The following MAU2 variants were observed in gnomAD, a reference collection of about 807,000 sequenced individuals.
MAU2 encodes the protein MAU2 chromatid cohesion factor homolog.
In MAU2, 9 loss-of-function variants were observed where a neutral mutation model predicts 89.1. The ratio of observed to expected loss-of-function variants is 0.10; its 90% CI spans 0.06 to 0.18. The LOEUF (loss-of-function observed/expected upper bound fraction) is 0.18, where lower values mean the gene tolerates loss of function less well. MAU2 is among the 10% of genes least tolerant of loss of function. MAU2 has a pLI of 1.00. For missense variants in MAU2, 425 were observed against 803.5 expected (o/e 0.53, Z 5.69); for synonymous variants, 357 against 343.4 (o/e 1.04, Z -0.44).
Position 19,356,143 on chromosome 19 carries a change from G to T in MAU2, c.*361G>T. The stretch of plus-strand genomic sequence containing the variant: ...GTGTGCCAGGGCAGGCAGTGCCCCA[G>T]GGGCACCACGCCTGACTCTCCATCA... On this transcript the variant is annotated 3_prime_UTR_variant, in exon 19 of 19. Coordinates refer to ENST00000262815, the MANE Select transcript of MAU2 (RefSeq NM_015329.4). 2.2e-6 allele frequency: 1 copy of T among 456,504 alleles called. No individual in the cohort carries two copies. Among genetic ancestry groups the T allele is most frequent in the Non-Finnish European group, 4.4e-6 (1 of 229,080 alleles). The allele number at this position is 456,504 out of a possible 1,614,324, so 28.3% of individuals were successfully genotyped here.
intron 10 of MAU2, chr19:19,344,250 A>G (rs529329571): frequency 3.1e-5 from 10 of 325,052 alleles, no homozygotes; most frequent in Non-Finnish European, 5.9e-5. Context: ...CGCCTCTACT[A>G]AAAATATAAA....
chr19:19,345,209 C>T lies in MAU2; in HGVS notation c.1156-95C>T. The T allele has an allele frequency of 5.4e-6, 6 of 1,113,610 alleles. No homozygotes were observed. In the South Asian group the frequency reaches 7.6e-5, roughly 14 times the overall value. The allele number at this position is 1,113,610 out of a possible 1,614,324, so 69.0% of individuals were successfully genotyped here. A position where few individuals can be genotyped will look rare whatever the true frequency, so the allele number is the denominator to read the frequency against. ...CGGTAGAGCCATTGTCATACTCCTC[C>T]AGGGCAGCCGTGCAGGCCCCGGGCA... On this transcript the variant is annotated intron_variant, in intron 11 of 18. Transcript: ENST00000262815. The surrounding 1 kb of genome is among the most constrained non-coding windows in gnomAD (Gnocchi z 4.9).
At chr19:19,354,688 G>A (rs942286971) in intron 17 of MAU2, 1 of 542,594 alleles carries the variant, frequency 1.8e-6, no homozygotes. Flanking sequence ...CTGCGACTTG[G>A]TATCTGGTAG....
At chr19:19,355,161 C>A in intron 17 of MAU2, 103 bp from the exon 18 acceptor site, 1 of 1,439,488 alleles carries the variant, frequency 6.9e-7, no homozygotes, top group Non-Finnish European at 9.5e-7. Flanking sequence ...AGAGATCCAC[C>A]AGTGCAGCTG....
rs557412063 is a variant in MAU2, at chr19:19,355,385, C to T, written c.1761C>T (p.Leu587=). ...CCTGCAGCCTCCCCGAACACAACCT[C>T]ATCACGGTACGGGTGTGGGTGTTAG... is the stretch of plus-strand genomic sequence containing the variant. ...IEACSLPEHN[L]ITWTDGPPPV... is the part of the protein sequence containing the mutation. Residue 587 remains leucine, a synonymous_variant, in exon 18 of 19, where the codon CTC becomes CTT. Coordinates refer to ENST00000262815, the MANE Select transcript of MAU2 (RefSeq NM_015329.4). The T allele has an allele frequency of 1.2e-6, 2 of 1,613,962 alleles. No homozygotes were observed. The highest frequency in any genetic ancestry group is 1.7e-5 in the Admixed American group (1 of 60,026).
In MAU2 at chr19:19,341,290, G is replaced by A. The variant is rs567527504; in HGVS notation, c.618G>A (p.Pro206=). ...AGCGAAAGCTGCAGGAGGTGCACCC[G>A]CTGCTGACCCTCTGCGGGCAGATCG... The part of the protein sequence containing the change: ...LMERKLQEVH[P]LLTLCGQIVE... The change falls in exon 7 of 19, where the codon CCG becomes CCA. Residue 206 remains proline (P), a synonymous_variant. Coordinates refer to ENST00000262815, the MANE Select transcript of MAU2 (RefSeq NM_015329.4). 3.5e-5 allele frequency: 57 copies of A among 1,612,694 alleles called. No individual in the cohort carries two copies. The highest frequency in any genetic ancestry group is 1.9e-4 in the Middle Eastern group (1 of 5,170).
chr19:19,356,894 T>G lies in MAU2; in HGVS notation c.*1112T>G, dbSNP rs1439877577. 6.6e-6 allele frequency: 1 copy of G among 152,212 alleles called. No homozygotes were observed. Among genetic ancestry groups the G allele is most frequent in the Admixed American group, 6.5e-5 (1 of 15,272 alleles). The allele number at this position is 152,212 out of a possible 1,614,324, so 9.4% of individuals were successfully genotyped here. On this transcript the variant is annotated 3_prime_UTR_variant, in exon 19 of 19. Transcript: ENST00000262815. ...TGCCCCAGTGGTCACAGTGTGGCAT[T>G]CCGAGTTGGGGCGGGTGGTCGGGTC...
chr19:19,335,639 G>T, intron 1 of MAU2, 79 bp from the exon 2 acceptor site: 1 of 1,470,572 alleles, frequency 6.8e-7, no homozygotes, highest in Non-Finnish European at 9.5e-7. Flanking sequence ...AGGACAACCT[G>T]TGGAAGCCCC....
chr19:19,350,376 G>T (rs2061733109), intron 16 of MAU2, among the ~76,000 whole-genome samples: 1 of 151,724 alleles, frequency 6.6e-6, no homozygotes, highest in South Asian at 2.1e-4. Context: ...GGCTGAGGTG[G>T]GCAGATCACT....
At chr19:19,321,182 A>C in intron 1 of MAU2, 47 bp downstream of exon 1, 1 of 1,517,532 alleles carries the variant, frequency 6.6e-7, no homozygotes. Flanking sequence ...GCTCCTTGCA[A>C]GATCTGGGCT....
At chr19:19,341,854 G>A (rs529984307) in intron 7 of MAU2, among the ~76,000 whole-genome samples, 1 of 152,248 alleles carries the variant, frequency 6.6e-6, no homozygotes, top group Admixed American at 6.5e-5. Context: ...CCGTGGGTGG[G>A]GAGCGGCTGT....
intron 16 of MAU2, chr19:19,352,366 C>T: frequency 6.6e-6 from 1 of 152,326 alleles, no homozygotes; most frequent in Non-Finnish European, 1.5e-5. Flanking sequence ...GGTGCCCGCC[C>T]ACCGCAACAC....
At chr19:19,348,400 C>CGA (rs1219624875) in intron 13 of MAU2, 2 of 208,824 alleles carry the variant, frequency 9.6e-6, no homozygotes, top group Non-Finnish European at 2.0e-5. Context: ...CTTAGTCATC[C>CGA]GATGCCATAC....
chr19:19,348,284 G>A (rs1568665230), intron 13 of MAU2: 1 of 167,584 alleles, frequency 6.0e-6, no homozygotes, highest in Non-Finnish European at 1.3e-5. Context: ...GATTGCTTGA[G>A]CTAGGGAGAT....
rs2061644533 is a variant in MAU2 at position 19,341,299 on chromosome 19, C to T, written c.627C>T (p.Thr209=). The T allele has an allele frequency of 1.2e-6, 2 of 1,613,004 alleles. No homozygotes were observed. Among genetic ancestry groups the T allele is most frequent in the East Asian group, 2.2e-5 (1 of 44,900 alleles). ...RKLQEVHPLL[T]LCGQIVENWQ... The stretch of plus-strand genomic sequence containing the variant: ...TGCAGGAGGTGCACCCGCTGCTGAC[C>T]CTCTGCGGGCAGATCGTGGAGAACT... The change falls in exon 7 of 19, where the codon ACC becomes ACT. Residue 209 remains threonine, a synonymous_variant. Coordinates refer to ENST00000262815, the MANE Select transcript of MAU2 (RefSeq NM_015329.4).
At chr19:19,336,987 G>A (rs2061602028) in intron 3 of MAU2, among the ~76,000 whole-genome samples, 183 bp from the exon 4 acceptor site, 1 of 152,208 alleles carries the variant, frequency 6.6e-6, no homozygotes, top group Non-Finnish European at 1.5e-5. Flanking sequence ...TTCCCAGCCA[G>A]TGAGTCCAAT....
At chr19:19,332,922 C>T (rs915494791) in intron 1 of MAU2, among the ~76,000 whole-genome samples, 3 of 151,894 alleles carry the variant, frequency 2.0e-5, no homozygotes, top group Admixed American at 1.3e-4. Flanking sequence ...ACTGAAAATA[C>T]AAAAATTAGC....
Position 19,321,578 on chromosome 19 carries a change from C to G in MAU2, c.276+443C>G, listed in dbSNP as rs144492189. ...GACTTGGGGTAGGGGTTGGCGAAGG[C>G]GAGACCCCTGGCATTCTCCCGGGAA... is the stretch of plus-strand genomic sequence containing the variant. On this transcript the variant is annotated intron_variant, in intron 1 of 18. Coordinates refer to ENST00000262815, the MANE Select transcript of MAU2 (RefSeq NM_015329.4). 64 of 156,210 alleles carry G rather than the reference C, an allele frequency of 4.1e-4. 1 individual carries two copies. The East Asian group carries it at 0.011, about 27-fold the overall frequency. The allele number at this position is 156,210 out of a possible 1,614,324, so 9.7% of individuals were successfully genotyped here.
At chr19:19,327,788 T>C (rs1340627655) in intron 1 of MAU2, among the ~76,000 whole-genome samples, 1 of 152,044 alleles carries the variant, frequency 6.6e-6, no homozygotes, top group Non-Finnish European at 1.5e-5. Flanking sequence ...GCTCAGCAGA[T>C]TCTGGAGCTG....
Sources: allele counts gnomAD v4.1 joint callset (sites outside exome capture counted in the v4.1 genomes callset), GRCh38; gene constraint gnomAD v4.1.1; non-coding constraint Gnocchi (gnomAD v3.1); transcripts MANE v1.5; gene names NCBI Gene and HGNC (gene_info 2026-07-23, HGNC 2026-07-21).